Variants in AGBL3 observed in about 807,000 individuals in gnomAD.
The protein encoded by AGBL3 is cytosolic carboxypeptidase 3.
AGBL3 carries 68 observed loss-of-function variants against 94.5 expected under a neutral mutation model. The ratio of observed to expected loss-of-function variants is 0.72; its 90% CI spans 0.59 to 0.88. The LOEUF (loss-of-function observed/expected upper bound fraction) is 0.88. Among genes scored for constraint, AGBL3 ranks in the 40% least tolerant of loss-of-function variants. The pLI, the probability that AGBL3 is intolerant of heterozygous loss-of-function variation, is 0.00. For synonymous variants in AGBL3, 354 were observed against 370.7 expected (o/e 0.95, Z 0.52); for missense variants, 934 against 1,103.8 (o/e 0.85, Z 2.18).
At chr7:135,094,284 G>A (rs1240863518) in intron 15 of AGBL3, 1 of 425,588 alleles carries the variant, frequency 2.3e-6, no homozygotes, top group African/African-American at 2.1e-5. Context: ...GCAACTTATT[G>A]GATCCATCAG....
At chr7:134,988,612 GT>G (rs1294849031) in intron 2 of AGBL3, among the ~76,000 whole-genome samples, 2 of 151,452 alleles carry the variant, frequency 1.3e-5, no homozygotes, top group Admixed American at 6.6e-5. Context: ...GGCTTTCTGT[GT>G]TTTTCTTTTT....
intron 16 of AGBL3, among the ~76,000 whole-genome samples, chr7:135,117,405 G>A (rs1826475363): frequency 1.3e-5 from 2 of 152,192 alleles, no homozygotes; most frequent in African/African-American, 4.8e-5. Context: ...GTAACGTCAT[G>A]TTCAACATGA....
At chr7:135,048,882 T>C (rs1002119786) in intron 11 of AGBL3, among the ~76,000 whole-genome samples, 9 of 151,822 alleles carry the variant, frequency 5.9e-5, no homozygotes, top group Admixed American at 1.3e-4. Flanking sequence ...TCTTGCCTAA[T>C]TGCTCTGGCT....
At chr7:135,064,820 A>G (rs1242475614) in intron 12 of AGBL3, among the ~76,000 whole-genome samples, 1 of 152,228 alleles carries the variant, frequency 6.6e-6, no homozygotes, top group Non-Finnish European at 1.5e-5. Flanking sequence ...GAGGCAAAAA[A>G]TCCTTCCAAA....
At chr7:135,026,221 CAAT>C (rs1228869314) in intron 5 of AGBL3, among the ~76,000 whole-genome samples, 1 of 42,438 alleles carries the variant, frequency 2.4e-5, no homozygotes, top group Non-Finnish European at 5.8e-5. Flanking sequence ...CATCACAGTG[CAAT>C]AAAAATAGAA....
intron 16 of AGBL3, among the ~76,000 whole-genome samples, chr7:135,119,198 C>T (rs1826760475): frequency 6.6e-6 from 1 of 151,764 alleles, no homozygotes; most frequent in Admixed American, 6.6e-5. Context: ...TAGGATACAC[C>T]CAAAGAAATT....
At chr7:135,088,575 T>C (rs1190641931) in intron 15 of AGBL3, among the ~76,000 whole-genome samples, 1 of 152,234 alleles carries the variant, frequency 6.6e-6, no homozygotes, top group African/African-American at 2.4e-5. Flanking sequence ...AGTCTAGTGG[T>C]GATAAATTAC....
chr7:135,115,609 T>A lies in AGBL3; in HGVS notation c.2340T>A (p.His780Gln). The change falls in exon 16 of 17, where the codon CAT (histidine) becomes CAA (glutamine). Residue 780 changes from histidine to glutamine, a missense_variant and splice_region_variant. Transcript: ENST00000436302. ...CAAGAACCAACTTCCAAATCCAACA[T>A]CAGTAAGTCAATACAATTTTATCAC... ...FNPRTNFQIQ[H>Q]QLNPATCRNI... 1 of 1,536,806 alleles carries A rather than the reference T, an allele frequency of 6.5e-7. No individual in the cohort carries two copies. The highest frequency in any genetic ancestry group is 8.8e-7 in the Non-Finnish European group (1 of 1,134,786).
chr7:135,026,993 G>A (rs1029497434), intron 5 of AGBL3, among the ~76,000 whole-genome samples: 1 of 151,552 alleles, frequency 6.6e-6, no homozygotes, highest in Non-Finnish European at 1.5e-5. Context: ...CTCACGTTTA[G>A]TTTGATTGGT....
At chr7:135,055,101 A>G (rs1306813326) in intron 11 of AGBL3, among the ~76,000 whole-genome samples, 1 of 152,178 alleles carries the variant, frequency 6.6e-6, no homozygotes, top group Non-Finnish European at 1.5e-5. Flanking sequence ...GAACGAATCC[A>G]TCACCACAAC....
rs141613144 is a variant in AGBL3 at position 135,117,974 on chromosome 7, T to G, written c.2342+2363T>G. ...ATGAAACTGCTGTAGGATGCAAATT[T>G]GAGCTAAGGGAAGTAAAAACTTTCC... On this transcript the variant is annotated intron_variant, in intron 16 of 16. Coordinates refer to ENST00000436302, the MANE Select transcript of AGBL3 (RefSeq NM_178563.4). Among the ~76,000 whole-genome samples, 323 of 152,338 alleles carry G rather than the reference T, an allele frequency of 2.1e-3. 4 individuals carry two copies. The highest frequency in any genetic ancestry group is 7.6e-3 in the African/African-American group (317 of 41,572).
intron 16 of AGBL3, among the ~76,000 whole-genome samples, chr7:135,122,588 C>T (rs1439459663): frequency 6.6e-6 from 1 of 152,132 alleles, no homozygotes; most frequent in Non-Finnish European, 1.5e-5. Flanking sequence ...TGGGTAAGAC[C>T]CTCCAACAGG....
intron 5 of AGBL3, among the ~76,000 whole-genome samples, chr7:135,020,165 G>T (rs941257763): frequency 6.6e-6 from 1 of 151,936 alleles, no homozygotes; most frequent in African/African-American, 2.4e-5. Context: ...TCTACTCATC[G>T]GACAAACAGC....
chr7:135,112,588 G>A (rs1224520994), intron 15 of AGBL3, among the ~76,000 whole-genome samples: 1 of 151,954 alleles, frequency 6.6e-6, no homozygotes, highest in Non-Finnish European at 1.5e-5. Context: ...CCATCTATAA[G>A]TATGGCTATA....
chr7:135,128,335 AAAC>A (rs1330891998), intron 16 of AGBL3: 2 of 314,888 alleles, frequency 6.4e-6, no homozygotes, highest in African/African-American at 2.2e-5. Context: ...AAAAAAAACA[AAAC>A]AACAAGGCAT....
In AGBL3 at chr7:135,072,952, A is replaced by G. The variant is rs991703429; in HGVS notation, c.1909-3445A>G. Among the ~76,000 whole-genome samples the G allele has an allele frequency of 5.2e-3, 790 of 152,134 alleles. 4 individuals carry two copies. The highest frequency in any genetic ancestry group is 5.7e-3 in the Non-Finnish European group (388 of 67,998). ...AAAAATAAAATTAAAAAAAATTTCA[A>G]AACAAAAAAGATGAGGGGTGTGTGT... On this transcript the variant is annotated intron_variant, in intron 12 of 16. Transcript: ENST00000436302.
At chr7:135,032,610 G>A (rs994216509) in intron 5 of AGBL3, among the ~76,000 whole-genome samples, 4 of 151,774 alleles carry the variant, frequency 2.6e-5, no homozygotes, top group South Asian at 4.2e-4. Context: ...GACCCACTGC[G>A]CCTGGCCAAA....
intron 12 of AGBL3, 75 bp downstream of exon 12, chr7:135,059,310 A>AAC: frequency 4.4e-6 from 1 of 229,706 alleles, no homozygotes; most frequent in Non-Finnish European, 6.6e-6. Context: ...ATAATCAGGC[A>AAC]AAAAAAATTG....
At position 135,094,492 on chromosome 7, in the gene AGBL3, C is replaced by T. The variant is rs137930901; in HGVS notation, c.2110+12702C>T. On this transcript the variant is annotated intron_variant, in intron 15 of 16. Transcript: ENST00000436302. Reference sequence around the variant, plus strand: ...TTGAAAGTGAGAAACTCCTGGTGGCCATAGTCTTGTCTGGAGCTTCATTTT... The same window carrying T: ...TTGAAAGTGAGAAACTCCTGGTGGCTATAGTCTTGTCTGGAGCTTCATTTT... The T allele has an allele frequency of 2.8e-3, 1,294 of 456,624 alleles. 19 individuals carry two copies. In the East Asian group the frequency reaches 0.037, roughly 13 times the overall value. 28.3% of individuals were successfully genotyped at this position (456,624 alleles called of 1,614,324 possible).
Sources: gnomAD v4.1 joint callset for allele counts (sites outside exome capture counted in the v4.1 genomes callset) on GRCh38, gnomAD v4.1.1 for gene constraint, MANE v1.5 for transcripts, NCBI Gene and HGNC (gene_info 2026-07-23, HGNC 2026-07-21) for gene names.